The following METAP1D variants were observed in gnomAD, a reference collection of about 807,000 sequenced individuals.
METAP1D encodes methionine aminopeptidase 1D, mitochondrial.
In METAP1D, 31 loss-of-function variants were observed where a neutral mutation model predicts 40.5. The observed-to-expected ratio is 0.77, with a 90% CI of 0.58 to 1.03. The LOEUF is 1.03. METAP1D is among the 50% of genes least tolerant of loss of function. The pLI is 0.00. For missense variants in METAP1D, 411 were observed against 420.7 expected, an observed-to-expected ratio of 0.98 and a Z score of 0.20; for synonymous variants, 151 against 146.4, an observed-to-expected ratio of 1.03 and a Z score of -0.22.
In METAP1D at chr2:172,001,213, TCAG is replaced by T. The variant is rs1435734570; in HGVS notation, c.40+1208_40+1210del. Among the ~76,000 whole-genome samples, 8 of 152,156 alleles carry T rather than the reference TCAG, an allele frequency of 5.3e-5. No homozygotes were observed. The East Asian group carries it at 1.4e-3, about 26-fold the overall frequency. On this transcript the variant is annotated intron_variant, in intron 1 of 9. Coordinates refer to ENST00000315796, the MANE Select transcript of METAP1D (RefSeq NM_199227.3). The stretch of plus-strand genomic sequence containing the variant: ...CTCCATAGAAGTCAGTGTGTAAAGT[TCAG>T]CAGAGACAGTGCAGGATGAGTGTGT...
At chr2:172,015,370 C>T (rs528236616) in intron 1 of METAP1D, among the ~76,000 whole-genome samples, 123 of 152,180 alleles carry the variant, frequency 8.1e-4, no homozygotes, top group Non-Finnish European at 1.1e-3. Context: ...TGGGATTGCA[C>T]CACTGCACTC....
At chr2:172,056,587 A>G (rs1690007683) in intron 1 of METAP1D, among the ~76,000 whole-genome samples, 1 of 152,248 alleles carries the variant, frequency 6.6e-6, no homozygotes, top group African/African-American at 2.4e-5. Context: ...AGCATGGCAC[A>G]TGCAATGAGT....
chr2:172,005,544 A>ATATATATATAT (rs1160120823), intron 1 of METAP1D, among the ~76,000 whole-genome samples: 1 of 111,746 alleles, frequency 8.9e-6, no homozygotes, highest in Non-Finnish European at 1.9e-5. Context: ...ATATATATAT[A>ATATATATATAT]TCTTTTTTTT....
intron 1 of METAP1D, among the ~76,000 whole-genome samples, chr2:172,023,508 A>G (rs1441866357): frequency 6.6e-6 from 1 of 152,066 alleles, no homozygotes; most frequent in Admixed American, 6.6e-5. Flanking sequence ...GGAGGAGAGA[A>G]CCTCCTGGAA....
At chr2:172,075,727 G>A (rs533716423) in intron 6 of METAP1D, among the ~76,000 whole-genome samples, 2 of 152,284 alleles carry the variant, frequency 1.3e-5, no homozygotes, top group African/African-American at 4.8e-5. Flanking sequence ...TCCAGTAAGT[G>A]CTAAAAACCA....
At chr2:172,059,488 A>G (rs963480045) in intron 1 of METAP1D, among the ~76,000 whole-genome samples, 6 of 152,186 alleles carry the variant, frequency 3.9e-5, no homozygotes, top group Non-Finnish European at 7.3e-5. Context: ...ACAACTACTC[A>G]GCTACCACTG....
chr2:172,032,026 C>T (rs776636634), intron 1 of METAP1D, among the ~76,000 whole-genome samples: 1 of 152,180 alleles, frequency 6.6e-6, no homozygotes, highest in Non-Finnish European at 1.5e-5. Context: ...GAGCTAAATG[C>T]TGCCAGATGT....
intron 1 of METAP1D, among the ~76,000 whole-genome samples, chr2:172,039,587 T>C (rs763965230): frequency 1.3e-5 from 2 of 152,118 alleles, no homozygotes; most frequent in Non-Finnish European, 2.9e-5. Flanking sequence ...TTAGAAGTCG[T>C]CAGGAAAGAT....
chr2:172,042,749 GTACACATATACGTGTGTGTGTATA>G (rs1574118313), intron 1 of METAP1D, among the ~76,000 whole-genome samples: 6 of 43,216 alleles, frequency 1.4e-4, no homozygotes, highest in East Asian at 2.2e-3. Flanking sequence ...GTGTGTATAT[GTACACATATACGTGTGTGTGTATA>G]TGTACACATA....
intron 6 of METAP1D, among the ~76,000 whole-genome samples, chr2:172,074,859 A>T (rs1690506788): frequency 6.6e-6 from 1 of 152,218 alleles, no homozygotes; most frequent in African/African-American, 2.4e-5. Flanking sequence ...GATTAATGTA[A>T]AATTGGCAAT....
At chr2:172,009,045 CTTT>C (rs200696505) in intron 1 of METAP1D, among the ~76,000 whole-genome samples, 1 of 144,420 alleles carries the variant, frequency 6.9e-6, no homozygotes. Context: ...AATTTTCTTT[CTTT>C]TTTTTTTTTT....
intron 1 of METAP1D, among the ~76,000 whole-genome samples, chr2:172,024,443 TAC>T (rs1689078133): frequency 1.3e-5 from 2 of 152,200 alleles, no homozygotes; most frequent in East Asian, 3.9e-4. Flanking sequence ...AGGGGGTCTT[TAC>T]AAACAAGAAT....
At chr2:172,041,827 G>T (rs1196390511) in intron 1 of METAP1D, among the ~76,000 whole-genome samples, 2 of 96,026 alleles carry the variant, frequency 2.1e-5, no homozygotes, top group African/African-American at 3.3e-5. Context: ...TTAAGATGGA[G>T]TCTTACTCTG....
intron 7 of METAP1D, 144 bp downstream of exon 7, chr2:172,078,038 G>A (rs745332053): frequency 1.2e-5 from 5 of 429,426 alleles, no homozygotes; most frequent in Non-Finnish European, 2.2e-5. Flanking sequence ...CAGGGGAGGG[G>A]GGTCTGCTTA....
intron 1 of METAP1D, among the ~76,000 whole-genome samples, chr2:172,016,453 A>C (rs1304246134): frequency 6.7e-6 from 1 of 149,402 alleles, no homozygotes; most frequent in Non-Finnish European, 1.5e-5. Context: ...CCCTGTCTCT[A>C]CAAAAAAAAA....
chr2:172,079,079 A>G, intron 7 of METAP1D, 136 bp from the exon 8 acceptor site: 1 of 826,232 alleles, frequency 1.2e-6, no homozygotes, highest in Non-Finnish European at 1.9e-6. Flanking sequence ...GACTCCAGAA[A>G]TCTCCACCCT....
intron 1 of METAP1D, among the ~76,000 whole-genome samples, chr2:172,056,285 G>A (rs532276972): frequency 6.6e-6 from 1 of 152,184 alleles, no homozygotes; most frequent in Non-Finnish European, 1.5e-5. Context: ...CATCTCACAG[G>A]GTAATGTCTT....
chr2:172,080,317 CTG>C lies in METAP1D; in HGVS notation c.930-7_930-6del. On this transcript the variant is annotated splice_polypyrimidine_tract_variant and intron_variant, in intron 9 of 9. Transcript: ENST00000315796. ...GCGTGCGCGTTCTGACGGCTGGGTG[CTG>C]TGTTACAGGTCGGCGCAGTTCGAGC... 1 of 1,614,158 alleles carries C rather than the reference CTG, an allele frequency of 6.2e-7. No homozygotes were observed. Among genetic ancestry groups the C allele is most frequent in the Non-Finnish European group, 8.5e-7 (1 of 1,179,994 alleles).
intron 5 of METAP1D, among the ~76,000 whole-genome samples, chr2:172,069,277 G>C (rs1690366408): frequency 6.6e-6 from 1 of 152,088 alleles, no homozygotes; most frequent in African/African-American, 2.4e-5. Flanking sequence ...TTTTAAAATA[G>C]TACATTTTTA....
Sources: allele counts gnomAD v4.1 joint callset (sites outside exome capture counted in the v4.1 genomes callset), GRCh38; gene constraint gnomAD v4.1.1; transcripts MANE v1.5; gene names NCBI Gene and HGNC (gene_info 2026-07-23, HGNC 2026-07-21).